Variants in TNNI3K observed in about 807,000 individuals in gnomAD.
The protein encoded by TNNI3K is TNNI3 interacting kinase.
In TNNI3K, 140 loss-of-function variants were observed where a neutral mutation model predicts 114.5. That is an observed-to-expected ratio of 1.22 (90% CI 1.07 to 1.41). The LOEUF (loss-of-function observed/expected upper bound fraction) is 1.41. TNNI3K is among the 40% of genes most tolerant of loss of function. The probability of loss-of-function intolerance (pLI) is 0.00; values close to 1 mark genes in which losing one functional copy is unlikely to be tolerated. For missense variants in TNNI3K, 1,125 were observed against 1,007.6 expected (o/e 1.12, Z -1.58); for synonymous variants, 347 against 347.5 (o/e 1.00, Z 0.02).
chr1:74,480,766 C>A (rs1213264983), intron 21 of TNNI3K: 1 of 717,322 alleles, frequency 1.4e-6, no homozygotes, highest in Non-Finnish European at 2.6e-6. Flanking sequence ...GATCAGTGAG[C>A]GAAGAGCTGG....
intron 2 of TNNI3K, among the ~76,000 whole-genome samples, chr1:74,247,999 A>AG (rs927047452): frequency 2.8e-5 from 4 of 143,310 alleles, no homozygotes; most frequent in South Asian, 2.4e-4. Context: ...CCACGGGGGT[A>AG]GGGGGGTGGA....
intron 5 of TNNI3K, among the ~76,000 whole-genome samples, chr1:74,289,225 T>G (rs1315516160): frequency 6.6e-6 from 1 of 152,002 alleles, no homozygotes; most frequent in Admixed American, 6.5e-5. Flanking sequence ...GTAGAACCAT[T>G]TTTGACTTAA....
At chr1:74,447,473 A>G (rs1328857925) in intron 20 of TNNI3K, among the ~76,000 whole-genome samples, 2 of 142,118 alleles carry the variant, frequency 1.4e-5, no homozygotes, top group African/African-American at 5.8e-5. Context: ...ACTTCTCAAA[A>G]GAAGACATTT....
intron 12 of TNNI3K, 47 bp downstream of exon 12, chr1:74,367,389 C>T (rs1011690382): frequency 1.3e-6 from 2 of 1,595,534 alleles, no homozygotes; most frequent in South Asian, 1.1e-5. Context: ...ATATATTGTG[C>T]CTAAAGGTAA....
chr1:74,508,113 C>G (rs922509299), intron 23 of TNNI3K, among the ~76,000 whole-genome samples: 6 of 152,188 alleles, frequency 3.9e-5, no homozygotes, highest in Admixed American at 3.3e-4. Flanking sequence ...AAAGGAGAGG[C>G]AGGCATGTGG....
chr1:74,370,512 C>G, intron 17 of TNNI3K, 120 bp downstream of exon 17: 2 of 765,876 alleles, frequency 2.6e-6, no homozygotes, highest in Non-Finnish European at 3.8e-6. Flanking sequence ...GTTAAGAGGA[C>G]AGGCTACCAT....
intron 17 of TNNI3K, among the ~76,000 whole-genome samples, chr1:74,429,479 TCC>T (rs1665791839): frequency 6.6e-6 from 1 of 152,078 alleles, no homozygotes; most frequent in Non-Finnish European, 1.5e-5. Flanking sequence ...TGTTCAGGTA[TCC>T]CATTGAGTTT....
chr1:74,436,520 A>T lies in TNNI3K; in HGVS notation c.1872A>T (p.Gln624His). ...QSLDEDNMTK[Q>H]PGNLRWMAPE... Reference sequence around the variant, plus strand: ...TGGATGAAGACAACATGACAAAACAACCTGGGGTTTGCTGCTGCTTGTGTT... The same window carrying T: ...TGGATGAAGACAACATGACAAAACATCCTGGGGTTTGCTGCTGCTTGTGTT... Residue 624 changes from glutamine to histidine, a missense_variant, in exon 19 of 25, where the codon CAA becomes CAT. Transcript: ENST00000326637. 1 of 1,585,816 alleles carries T rather than the reference A, an allele frequency of 6.3e-7. No individual in the cohort carries two copies. Among genetic ancestry groups the T allele is most frequent in the Non-Finnish European group, 8.5e-7 (1 of 1,172,672 alleles).
chr1:74,336,180 A>G lies in TNNI3K; in HGVS notation c.682+31A>G, dbSNP rs11210450. 0.053 allele frequency: 83,126 copies of G among 1,582,068 alleles called. 3,039 individuals are homozygous for G. The highest frequency in any genetic ancestry group is 0.16 in the African/African-American group (11,783 of 72,710). On this transcript the variant is annotated intron_variant, in intron 7 of 24. Coordinates refer to ENST00000326637, the MANE Select transcript of TNNI3K (RefSeq NM_015978.3). ...ATTATATATTTAAAAGACCTTTGCT[A>G]TCATTTGCTTTATGTATACCTTTTA...
intron 21 of TNNI3K, chr1:74,469,744 A>G: frequency 5.1e-6 from 2 of 395,894 alleles, no homozygotes; most frequent in Admixed American, 4.4e-5. Context: ...TTTTATTGAT[A>G]ACAAAGAGTT....
At chr1:74,471,990 TACGA>T (rs1205226513) in intron 21 of TNNI3K, 5 of 638,092 alleles carry the variant, frequency 7.8e-6, no homozygotes, top group Middle Eastern at 2.5e-4. Context: ...TATTTTTTTG[TACGA>T]TCTTTTGTAC....
At chr1:74,530,303 C>G (rs1006925443) in intron 23 of TNNI3K, among the ~76,000 whole-genome samples, 2 of 152,188 alleles carry the variant, frequency 1.3e-5, no homozygotes, top group African/African-American at 4.8e-5. Context: ...CTAGAGCCAA[C>G]AGGTTTAAGT....
chr1:74,277,681 A>G (rs1264717096), intron 5 of TNNI3K, among the ~76,000 whole-genome samples: 1 of 152,202 alleles, frequency 6.6e-6, no homozygotes, highest in Admixed American at 6.5e-5. Context: ...CCATAAGTCA[A>G]ATCAGTTTTC....
At chr1:74,502,686 T>A (rs1013673493) in intron 23 of TNNI3K, among the ~76,000 whole-genome samples, 1 of 152,188 alleles carries the variant, frequency 6.6e-6, no homozygotes, top group Non-Finnish European at 1.5e-5. Context: ...TAGCCTTTGA[T>A]TGGAGGGAAA....
intron 4 of TNNI3K, among the ~76,000 whole-genome samples, chr1:74,267,246 A>G (rs1345879375): frequency 6.6e-6 from 1 of 152,030 alleles, no homozygotes. Context: ...TGCATTTTAC[A>G]GGAAAATTTT....
chr1:74,454,456 C>T (rs781142214), intron 20 of TNNI3K, among the ~76,000 whole-genome samples: 20 of 152,042 alleles, frequency 1.3e-4, no homozygotes, highest in Non-Finnish European at 2.5e-4. Flanking sequence ...CACATATGAG[C>T]GAGAACATGT....
At chr1:74,368,817 G>T (rs1421242214) in intron 13 of TNNI3K, among the ~76,000 whole-genome samples, 1 of 151,850 alleles carries the variant, frequency 6.6e-6, no homozygotes, top group Non-Finnish European at 1.5e-5. Flanking sequence ...TCAAGACATA[G>T]AACTAACATG....
intron 15 of TNNI3K, 45 bp from the exon 16 acceptor site, chr1:74,369,346 G>C: frequency 6.2e-7 from 1 of 1,606,668 alleles, no homozygotes; most frequent in South Asian, 1.1e-5. Context: ...CCCCTTGTTT[G>C]GATCCATCTG....
intron 5 of TNNI3K, among the ~76,000 whole-genome samples, chr1:74,280,687 C>G (rs907906542): frequency 2.0e-5 from 3 of 152,326 alleles, no homozygotes; most frequent in Admixed American, 2.0e-4. Context: ...AACCTGACTT[C>G]CAGCTAGCTC....
Sources: allele counts gnomAD v4.1 joint callset (sites outside exome capture counted in the v4.1 genomes callset), GRCh38; gene constraint gnomAD v4.1.1; transcripts MANE v1.5; gene names NCBI Gene and HGNC (gene_info 2026-07-23, HGNC 2026-07-21).